STPG2: variants seen among roughly 807,000 people sequenced by gnomAD.
STPG2 encodes the protein sperm tail PG-rich repeat containing 2.
A neutral mutation model predicts 54.2 loss-of-function variants in STPG2; 56 were observed. That is an observed-to-expected ratio of 1.03 (90% CI 0.83 to 1.29). The LOEUF is 1.29. STPG2 is among the 50% of genes most tolerant of loss of function. The probability of loss-of-function intolerance (pLI) is 0.00; values close to 1 mark genes in which losing one functional copy is unlikely to be tolerated. For missense variants in STPG2, 596 were observed against 544.9 expected (o/e 1.09, Z -0.93); for synonymous variants, 200 against 181.8 (o/e 1.10, Z -0.81).
rs574881979 is a variant in STPG2, at chr4:97,718,359, T to C, written c.1205-5545A>G. On this transcript the variant is annotated intron_variant, in intron 9 of 10. Coordinates refer to ENST00000295268, the MANE Select transcript of STPG2 (RefSeq NM_174952.3). ...CATTTTCTCAACTTGTTAAAAATTG[T>C]AAGGTTTCTAAATATGTTTGGATTT... 4.6e-5 allele frequency among the ~76,000 whole-genome samples: 7 copies of C among 152,218 alleles called. 1 individual carries two copies. In the South Asian group the frequency reaches 1.2e-3, roughly 27 times the overall value.
intron 8 of STPG2, among the ~76,000 whole-genome samples, chr4:97,911,567 C>G (rs1731678811): frequency 6.6e-6 from 1 of 152,196 alleles, no homozygotes; most frequent in Non-Finnish European, 1.5e-5. Flanking sequence ...GCTGCTGTGG[C>G]AAATCGTGGC....
At chr4:97,582,988 T>A (rs1338769183) in intron 10 of STPG2, among the ~76,000 whole-genome samples, 1 of 152,012 alleles carries the variant, frequency 6.6e-6, no homozygotes, top group African/African-American at 2.4e-5. Flanking sequence ...GGAAATGTAT[T>A]TTTTTGCAGA....
chr4:97,906,339 A>C (rs1476709407), intron 8 of STPG2, among the ~76,000 whole-genome samples: 1 of 152,230 alleles, frequency 6.6e-6, no homozygotes, highest in African/African-American at 2.4e-5. Context: ...CTCTGAATAC[A>C]CCAATAAAAG....
At chr4:97,698,414 T>G (rs746771653) in intron 10 of STPG2, among the ~76,000 whole-genome samples, 28 of 152,252 alleles carry the variant, frequency 1.8e-4, no homozygotes, top group South Asian at 1.0e-3. Flanking sequence ...GTAACTCCAT[T>G]CTTAGCCTGT....
chr4:97,543,556 T>G (rs781662374), intron 4 of STPG2, among the ~76,000 whole-genome samples: 59 of 152,104 alleles, frequency 3.9e-4, no homozygotes, highest in Non-Finnish European at 8.8e-5. Flanking sequence ...TTAAACAAGC[T>G]TCTATTTTGC....
chr4:98,111,883 T>G (rs1739371570), intron 3 of STPG2, among the ~76,000 whole-genome samples: 1 of 152,050 alleles, frequency 6.6e-6, no homozygotes, highest in South Asian at 2.1e-4. Context: ...TCTCCTACCT[T>G]CGGACATCAG....
intron 10 of STPG2, among the ~76,000 whole-genome samples, chr4:97,605,134 T>C (rs984648405): frequency 6.6e-6 from 1 of 151,780 alleles, no homozygotes; most frequent in African/African-American, 2.4e-5. Flanking sequence ...CATTTGCTTC[T>C]TTTCTTTCTT....
At chr4:97,828,564 G>A (rs1728339765) in intron 9 of STPG2, among the ~76,000 whole-genome samples, 1 of 152,062 alleles carries the variant, frequency 6.6e-6, no homozygotes, top group African/African-American at 2.4e-5. Flanking sequence ...CCCCTGGAAA[G>A]GGGGCTGAAG....
In STPG2 at chr4:97,851,815, T is replaced by C. The variant is rs1300324642; in HGVS notation, c.1045-10883A>G. Reference sequence around the variant, plus strand: ...ATGCTTAAGTTTTCATGACCACTTTTGACATTAGTTTTATAGAAAAAAATG... The same window carrying C: ...ATGCTTAAGTTTTCATGACCACTTTCGACATTAGTTTTATAGAAAAAAATG... On this transcript the variant is annotated intron_variant, in intron 8 of 10. Transcript: ENST00000295268. Among the ~76,000 whole-genome samples, 3 of 152,138 alleles carry C rather than the reference T, an allele frequency of 2.0e-5. No homozygotes were observed. The East Asian group carries it at 5.8e-4, about 29-fold the overall frequency.
intron 10 of STPG2, among the ~76,000 whole-genome samples, chr4:97,566,110 C>T (rs1046308097): frequency 5.3e-5 from 8 of 152,160 alleles, no homozygotes; most frequent in Non-Finnish European, 1.0e-4. Flanking sequence ...TTCCAGGCTG[C>T]TTTGTTTACC....
intron 8 of STPG2, among the ~76,000 whole-genome samples, chr4:97,894,480 T>C (rs187548615): frequency 6.6e-6 from 1 of 152,062 alleles, no homozygotes; most frequent in East Asian, 1.9e-4. Context: ...ATTCCTTCTG[T>C]CTACTTTGGC....
At chr4:97,879,343 T>C (rs916737862) in intron 8 of STPG2, among the ~76,000 whole-genome samples, 1 of 152,174 alleles carries the variant, frequency 6.6e-6, no homozygotes. Context: ...AGTCCATTTT[T>C]GCTGCTGATA....
At chr4:97,595,090 T>C (rs900225566) in intron 10 of STPG2, among the ~76,000 whole-genome samples, 10 of 152,172 alleles carry the variant, frequency 6.6e-5, no homozygotes, top group African/African-American at 2.4e-4. Context: ...CTCAGCAATC[T>C]CATTACTGGG....
chr4:97,881,959 T>C (rs929022479), intron 8 of STPG2, among the ~76,000 whole-genome samples: 4 of 152,156 alleles, frequency 2.6e-5, no homozygotes, highest in South Asian at 2.1e-4. Context: ...GACTTTTCTT[T>C]TTCTCAAACC....
intron 5 of STPG2, among the ~76,000 whole-genome samples, chr4:97,990,305 A>T (rs1578760564): frequency 6.6e-6 from 1 of 152,188 alleles, no homozygotes; most frequent in African/African-American, 2.4e-5. Flanking sequence ...TAGGTTTCAG[A>T]TTTAATAAGC....
chr4:97,495,710 C>A (rs1434383406), intron 4 of STPG2, among the ~76,000 whole-genome samples: 1,217 of 116,456 alleles, frequency 0.01, no homozygotes, highest in Non-Finnish European at 0.013. Flanking sequence ...ATGGTCAAGA[C>A]AAAAAAAAAA....
intron 6 of STPG2, among the ~76,000 whole-genome samples, chr4:97,972,929 C>A (rs1734383370): frequency 6.6e-6 from 1 of 152,210 alleles, no homozygotes; most frequent in Admixed American, 6.5e-5. Context: ...CATTAAACCT[C>A]TCTTTTGCAA....
chr4:97,822,832 C>T (rs1037618759), intron 9 of STPG2, among the ~76,000 whole-genome samples: 2 of 152,208 alleles, frequency 1.3e-5, no homozygotes, highest in African/African-American at 4.8e-5. Context: ...AAACTCTTCC[C>T]ACCAGGCACC....
chr4:97,456,891 CAA>C (rs57563048), intron 4 of STPG2, among the ~76,000 whole-genome samples: 2 of 48,914 alleles, frequency 4.1e-5, no homozygotes, highest in Non-Finnish European at 3.6e-5. Context: ...TGCTCCGTCT[CAA>C]AAAAAAAAAA....
Sources: gnomAD v4.1 joint callset for allele counts (sites outside exome capture counted in the v4.1 genomes callset) on GRCh38, gnomAD v4.1.1 for gene constraint, MANE v1.5 for transcripts, NCBI Gene and HGNC (gene_info 2026-07-23, HGNC 2026-07-21) for gene names.